Variants in GCA observed in about 807,000 individuals in gnomAD.
GCA encodes the protein grancalcin.
GCA carries 30 observed loss-of-function variants against 32.6 expected under a neutral mutation model. The observed-to-expected ratio is 0.92, with a 90% CI of 0.69 to 1.25. The LOEUF (loss-of-function observed/expected upper bound fraction) is 1.25, where lower values mean the gene tolerates loss of function less well. GCA is among the 50% of genes most tolerant of loss of function. The pLI is 0.00. For synonymous variants in GCA, 102 were observed against 84.6 expected (o/e 1.21, Z -1.13); for missense variants, 291 against 266.8 (o/e 1.09, Z -0.63).
Position 162,347,690 on chromosome 2 carries a change from A to T in GCA, c.140A>T (p.Tyr47Phe). ...GYSGPAYSDT[Y>F]SSAGDSVYTY... is the part of the protein sequence containing the mutation. Reference sequence around the variant, plus strand: ...TCTGGGCCAGCATATTCAGACACTTATTCCTCAGCTGGTGACTCCGTGTAT... The same window carrying T: ...TCTGGGCCAGCATATTCAGACACTTTTTCCTCAGCTGGTGACTCCGTGTAT... The change falls in exon 2 of 8, where the codon TAT becomes TTT. Residue 47 changes from tyrosine (Y) to phenylalanine (F), a missense_variant. Tyr to Phe is a conservative substitution (Grantham distance 22). Coordinates refer to ENST00000437150, the MANE Select transcript of GCA (RefSeq NM_012198.5). 1 of 1,607,982 alleles carries T rather than the reference A, an allele frequency of 6.2e-7. No homozygotes were observed. The highest frequency in any genetic ancestry group is 1.1e-5 in the South Asian group (1 of 90,140).
chr2:162,346,940 T>C (rs1684739501), intron 1 of GCA, among the ~76,000 whole-genome samples: 1 of 152,192 alleles, frequency 6.6e-6, no homozygotes, highest in African/African-American at 2.4e-5. Context: ...CACAATAGGC[T>C]GAAAAGAAAC....
At chr2:162,369,715 G>A (rs955514920) in intron 4 of GCA, among the ~76,000 whole-genome samples, 4 of 151,940 alleles carry the variant, frequency 2.6e-5, no homozygotes, top group Non-Finnish European at 4.4e-5. Context: ...AACTTAGGCC[G>A]GCAATCCTTA....
At chr2:162,336,333 T>A (rs897696198) in intron 1 of GCA, among the ~76,000 whole-genome samples, 1 of 152,232 alleles carries the variant, frequency 6.6e-6, no homozygotes, top group Non-Finnish European at 1.5e-5. Flanking sequence ...CAGAAAGATA[T>A]TTCACATAGG....
chr2:162,368,093 A>C (rs1020129910), downstream of GCA, among the ~76,000 whole-genome samples: 1 of 151,784 alleles, frequency 6.6e-6, no homozygotes, highest in African/African-American at 2.4e-5. Flanking sequence ...CCACCCCTAA[A>C]TTTTCTGATT....
At chr2:162,331,778 G>A (rs542561472) in intron 1 of GCA, among the ~76,000 whole-genome samples, 1 of 152,234 alleles carries the variant, frequency 6.6e-6, no homozygotes, top group South Asian at 2.1e-4. Context: ...GAGACAAACT[G>A]TATATATATA....
chr2:162,359,248 ATG>A (rs1685448819), intron 6 of GCA, 91 bp downstream of exon 6: 6 of 761,716 alleles, frequency 7.9e-6, no homozygotes, highest in African/African-American at 3.6e-5. Flanking sequence ...TTATAATAAT[ATG>A]TGTTTTCTCC....
downstream of GCA, among the ~76,000 whole-genome samples, chr2:162,372,428 T>C (rs573627494): frequency 6.6e-6 from 1 of 152,190 alleles, no homozygotes; most frequent in African/African-American, 2.4e-5. Flanking sequence ...ATGGGATCAC[T>C]TGATGAATAA....
intron 1 of GCA, among the ~76,000 whole-genome samples, chr2:162,323,660 T>C (rs1163432011): frequency 3.3e-5 from 5 of 151,948 alleles, no homozygotes; most frequent in African/African-American, 2.4e-5. Flanking sequence ...ATTTATTAAA[T>C]AGGGAATACT....
At chr2:162,329,526 T>C (rs1400751988) in intron 1 of GCA, among the ~76,000 whole-genome samples, 1 of 151,962 alleles carries the variant, frequency 6.6e-6, no homozygotes, top group Non-Finnish European at 1.5e-5. Flanking sequence ...CATTCCTTTT[T>C]AGTTTTTGTT....
chr2:162,362,439 T>A lies in GCA; in HGVS notation c.*2196T>A. ...TTCGATGCTTTAAAAATAACTGATA[T>A]TTTTATGATGAACATGACTGTAATA... On this transcript the variant is annotated 3_prime_UTR_variant, in exon 8 of 8. Transcript: ENST00000437150. 1.0e-6 allele frequency: 1 copy of A among 966,242 alleles called. No homozygotes were observed. Among genetic ancestry groups the A allele is most frequent in the Non-Finnish European group, 1.2e-6 (1 of 812,732 alleles). The allele number at this position is 966,242 out of a possible 1,614,324, so 59.9% of individuals were successfully genotyped here.
Position 162,359,524 on chromosome 2 carries a change from A to C in GCA, c.599A>C (p.Gln200Pro). The C allele has an allele frequency of 1.3e-6, 2 of 1,548,316 alleles. No homozygotes were observed. The highest frequency in any genetic ancestry group is 1.8e-6 in the Non-Finnish European group (2 of 1,128,034). The change falls in exon 7 of 8, where the codon CAA (glutamine) becomes CCA (proline). Residue 200 changes from glutamine (Q) to proline (P), a missense_variant. Gln to Pro is a moderately conservative substitution (Grantham distance 76, BLOSUM62 -1). Transcript: ENST00000437150. The stretch of plus-strand genomic sequence containing the variant: ...TTTAGGAAAAGAGACCACTTGCAAC[A>C]AGGGTCTGCGAATTTCATATATGAC... ...DFFRKRDHLQ[Q>P]GSANFIYDDF... is the part of the protein sequence containing the mutation.
At chr2:162,323,640 T>C (rs1683766764) in intron 1 of GCA, among the ~76,000 whole-genome samples, 1 of 151,956 alleles carries the variant, frequency 6.6e-6, no homozygotes, top group Admixed American at 6.5e-5. Context: ...TAGCCAGTTT[T>C]CCCAGCACCA....
downstream of GCA, among the ~76,000 whole-genome samples, chr2:162,366,482 C>G (rs1036686688): frequency 6.6e-6 from 1 of 151,822 alleles, no homozygotes; most frequent in African/African-American, 2.4e-5. Flanking sequence ...CATGCTTTTG[C>G]TTATTAATAA....
At position 162,361,165 on chromosome 2, in the gene GCA, A is replaced by T; in HGVS notation, c.*922A>T. 1 of 984,622 alleles carries T rather than the reference A, an allele frequency of 1.0e-6. No homozygotes were observed. The highest frequency in any genetic ancestry group is 1.2e-6 in the Non-Finnish European group (1 of 829,112). The allele number at this position is 984,622 out of a possible 1,614,324, so 61.0% of individuals were successfully genotyped here. On this transcript the variant is annotated 3_prime_UTR_variant, in exon 8 of 8. Transcript: ENST00000437150. ...ATTTGACTTATTTGACAACATTAAC[A>T]TTAGTGGTGGCTTTGCCATTAAAAA...
At chr2:162,339,980 C>A (rs1414445704), upstream of GCA, among the ~76,000 whole-genome samples, 1 of 152,108 alleles carries the variant, frequency 6.6e-6, no homozygotes, top group African/African-American at 2.4e-5. Flanking sequence ...ACCTTTAATC[C>A]TCTAAGTCAT....
chr2:162,332,361 T>C (rs1243048022), intron 1 of GCA, among the ~76,000 whole-genome samples: 1 of 146,362 alleles, frequency 6.8e-6, no homozygotes, highest in East Asian at 1.9e-4. Context: ...TATTTATATA[T>C]TATATGATAT....
intron 1 of GCA, among the ~76,000 whole-genome samples, chr2:162,326,650 G>A (rs994535095): frequency 6.6e-6 from 1 of 152,098 alleles, no homozygotes; most frequent in East Asian, 1.9e-4. Flanking sequence ...CCAAGTAGCT[G>A]GGACTACAGG....
At chr2:162,363,167 T>C (rs746473590), downstream of GCA, among the ~76,000 whole-genome samples, 3 of 151,454 alleles carry the variant, frequency 2.0e-5, no homozygotes, top group Non-Finnish European at 4.4e-5. Context: ...TTAAATGATA[T>C]GTTTTCTTCT....
chr2:162,356,071 A>G (rs1218101033), intron 3 of GCA, among the ~76,000 whole-genome samples: 1 of 152,012 alleles, frequency 6.6e-6, no homozygotes, highest in African/African-American at 2.4e-5. Flanking sequence ...ATCTCTGAGT[A>G]CATGTCAAAC....
Sources: gnomAD v4.1 joint callset for allele counts (sites outside exome capture counted in the v4.1 genomes callset) on GRCh38, gnomAD v4.1.1 for gene constraint, MANE v1.5 for transcripts, NCBI Gene and HGNC (gene_info 2026-07-23, HGNC 2026-07-21) for gene names.